The following RNF212 variants were observed in gnomAD, a reference collection of about 807,000 sequenced individuals.
The protein encoded by RNF212 is ring finger protein 212.
Under a neutral mutation model 34.7 loss-of-function variants are expected in RNF212, and 33 were observed. The ratio of observed to expected loss-of-function variants is 0.95; its 90% CI spans 0.72 to 1.27. RNF212 has a LOEUF of 1.27. Among genes scored for constraint, RNF212 ranks in the 50% most tolerant of loss-of-function variants. The probability of loss-of-function intolerance (pLI) is 0.00; values close to 1 mark genes in which losing one functional copy is unlikely to be tolerated. For missense variants in RNF212, 377 were observed against 362.2 expected, an observed-to-expected ratio of 1.04 and a Z score of -0.33; for synonymous variants, 140 against 136.1, an observed-to-expected ratio of 1.03 and a Z score of -0.20.
Position 1,090,796 on chromosome 4 carries a change from A to C in RNF212, c.289T>G (p.Phe97Val), listed in dbSNP as rs1369419974. Residue 97 changes from phenylalanine to valine, a missense_variant, in exon 4 of 10, where the codon TTC becomes GTC. By Grantham distance (50) the Phe-to-Val change is conservative (BLOSUM62 -1). Transcript: ENST00000433731. The part of the protein sequence containing the change: ...QEKHRKRLLA[F>V]YREKISRLEE... ...ATTCCACTTACCTTTTCTCTATAGA[A>C]GGCTAACAATCTCTTCCTGTGTTTT... 3 of 1,584,314 alleles carry C rather than the reference A, an allele frequency of 1.9e-6. No individual in the cohort carries two copies.
intron 7 of RNF212, among the ~76,000 whole-genome samples, chr4:1,080,958 C>A (rs1220394270): frequency 6.6e-6 from 1 of 152,224 alleles, no homozygotes; most frequent in East Asian, 1.9e-4. Flanking sequence ...CAGACACAAG[C>A]CACAGGACAT....
chr4:1,067,436 T>C (rs1361997045), downstream of RNF212, among the ~76,000 whole-genome samples: 2 of 152,174 alleles, frequency 1.3e-5, no homozygotes, highest in African/African-American at 2.4e-5. Context: ...GATCTAACCA[T>C]ATGTTGTCTA....
Position 1,093,415 on chromosome 4 carries a change from T to G in RNF212, c.247-2577A>C. 2.1e-6 allele frequency: 3 copies of G among 1,423,566 alleles called. No individual in the cohort carries two copies. In the South Asian group the frequency reaches 4.6e-5, roughly 22 times the overall value. The allele number at this position is 1,423,566 out of a possible 1,614,324, so 88.2% of individuals were successfully genotyped here. On this transcript the variant is annotated intron_variant, in intron 3 of 9. Transcript: ENST00000433731. The stretch of plus-strand genomic sequence containing the variant: ...TTTATGTTACGTTGATATTAGAGCA[T>G]AAATGTTACAATACCACCTCACGTC...
chr4:1,089,296 T>C (rs1396117989), intron 4 of RNF212, among the ~76,000 whole-genome samples: 3 of 152,224 alleles, frequency 2.0e-5, no homozygotes, highest in African/African-American at 4.8e-5. Context: ...AGGATAAATT[T>C]AAGATTTAAT....
downstream of RNF212, among the ~76,000 whole-genome samples, chr4:1,067,851 C>T (rs1174453940): frequency 1.4e-5 from 2 of 144,374 alleles, no homozygotes; most frequent in Non-Finnish European, 3.0e-5. Context: ...CTGGGCGACA[C>T]AGCGAGACTC....
At chr4:1,090,304 A>G (rs939509097) in intron 4 of RNF212, among the ~76,000 whole-genome samples, 4 of 152,136 alleles carry the variant, frequency 2.6e-5, no homozygotes, top group African/African-American at 4.8e-5. Flanking sequence ...CAGAATGTTC[A>G]TGGACAGACA....
At chr4:1,085,778 G>A (rs1370625029) in intron 5 of RNF212, 118 bp downstream of exon 5, 11 of 749,068 alleles carry the variant, frequency 1.5e-5, no homozygotes, top group African/African-American at 1.2e-4. Context: ...GTAAATGAAC[G>A]AGCTCTTCCC....
At chr4:1,098,952 G>C (rs975619596) in intron 2 of RNF212, among the ~76,000 whole-genome samples, 4 of 152,234 alleles carry the variant, frequency 2.6e-5, no homozygotes, top group Middle Eastern at 6.8e-3. Flanking sequence ...GTCACAGATC[G>C]ATCTGGTTCC....
intron 8 of RNF212, among the ~76,000 whole-genome samples, chr4:1,077,715 T>TG (rs1719551371): frequency 6.6e-6 from 1 of 152,132 alleles, no homozygotes; most frequent in African/African-American, 2.4e-5. Flanking sequence ...TGTCTGGCCT[T>TG]GGGGGAGCCA....
chr4:1,104,218 G>T (rs899031660), intron 2 of RNF212, among the ~76,000 whole-genome samples: 1 of 152,248 alleles, frequency 6.6e-6, no homozygotes. Flanking sequence ...TTCTGTGTCT[G>T]TGGAAATTGA....
chr4:1,110,818 G>A (rs1431330875), intron 1 of RNF212, among the ~76,000 whole-genome samples: 5 of 152,132 alleles, frequency 3.3e-5, no homozygotes, highest in African/African-American at 1.2e-4. Context: ...ACTTTTTTGT[G>A]TGTCTTTGGA....
At chr4:1,093,278 G>T in intron 3 of RNF212, 1 of 698,060 alleles carries the variant, frequency 1.4e-6, no homozygotes, top group Non-Finnish European at 2.1e-6. Context: ...TTATCTGTTG[G>T]TATTTACCCT....
At chr4:1,076,446 G>A (rs1296325114) in intron 8 of RNF212, among the ~76,000 whole-genome samples, 1 of 152,224 alleles carries the variant, frequency 6.6e-6, no homozygotes, top group Non-Finnish European at 1.5e-5. Context: ...CCCACCAAGA[G>A]CACCCCCGAT....
At chr4:1,113,627 C>T (rs1726186240), upstream of RNF212, 1 of 506,678 alleles carries the variant, frequency 2.0e-6, no homozygotes, top group Non-Finnish European at 3.4e-6. Flanking sequence ...TCCCGCCAAC[C>T]TCGCGGGTTC....
intron 8 of RNF212, among the ~76,000 whole-genome samples, chr4:1,075,449 G>A (rs985372697): frequency 1.3e-5 from 2 of 152,192 alleles, no homozygotes; most frequent in Non-Finnish European, 2.9e-5. Flanking sequence ...GCGCGTTGCA[G>A]GGCGAGCAGG....
At chr4:1,081,140 CG>C (rs908282792) in intron 7 of RNF212, among the ~76,000 whole-genome samples, 1 of 152,314 alleles carries the variant, frequency 6.6e-6, no homozygotes, top group South Asian at 2.1e-4. Context: ...GCCAGTTGAG[CG>C]GGGGGCACGC....
rs980918720 is a variant in RNF212 at position 1,096,806 on chromosome 4, T to C, written c.205A>G (p.Ile69Val). ...GAGTACTTCTTACACAGACTGTCTA[T>C]GCTCATGAAGAATGCCTGGATATCT... ...DADIQAFFMSIDSLCKKYSRE... is the reference protein window; with the variant it reads ...DADIQAFFMSVDSLCKKYSRE... Residue 69 changes from isoleucine to valine, a missense_variant, in exon 3 of 10, where the codon ATA becomes GTA. Ile to Val is a conservative substitution (Grantham distance 29, BLOSUM62 3). Transcript: ENST00000433731. The C allele has an allele frequency of 3.1e-6, 5 of 1,613,740 alleles. No homozygotes were observed. The highest frequency in any genetic ancestry group is 4.2e-6 in the Non-Finnish European group (5 of 1,179,582).
intron 3 of RNF212, chr4:1,093,429 C>G: frequency 1.4e-6 from 2 of 1,426,738 alleles, no homozygotes; most frequent in Non-Finnish European, 1.8e-6. Flanking sequence ...TGTTACAATA[C>G]CACCTCACGT....
intron 1 of RNF212, among the ~76,000 whole-genome samples, chr4:1,111,454 C>T (rs1419175175): frequency 6.6e-6 from 1 of 152,170 alleles, no homozygotes; most frequent in Admixed American, 6.5e-5. Flanking sequence ...CTGCACCCCA[C>T]CCTGCTGTGC....
Sources: allele counts gnomAD v4.1 joint callset (sites outside exome capture counted in the v4.1 genomes callset), GRCh38; gene constraint gnomAD v4.1.1; transcripts MANE v1.5; gene names NCBI Gene and HGNC (gene_info 2026-07-23, HGNC 2026-07-21).